Variants in FAM149A observed in about 807,000 individuals in gnomAD.
FAM149A encodes family with sequence similarity 149 member A.
FAM149A carries 71 observed loss-of-function variants against 78.2 expected under a neutral mutation model. The observed-to-expected ratio is 0.91, with a 90% CI of 0.75 to 1.11. FAM149A has a LOEUF of 1.11. Among genes scored for constraint, FAM149A ranks in the 50% least tolerant of loss-of-function variants. The pLI is 0.00. For missense variants in FAM149A, 1,036 were observed against 971.0 expected (o/e 1.07, Z -0.89); for synonymous variants, 446 against 410.5 (o/e 1.09, Z -1.04).
At chr4:186,157,794 A>T in intron 8 of FAM149A, 75 bp downstream of exon 8, 1 of 1,563,426 alleles carries the variant, frequency 6.4e-7, no homozygotes, top group Non-Finnish European at 8.7e-7. Flanking sequence ...GTTCTGTTAA[A>T]CTGCAGTACT....
At chr4:186,163,319 C>T in intron 9 of FAM149A, 105 bp from the exon 10 acceptor site, 1 of 837,422 alleles carries the variant, frequency 1.2e-6, no homozygotes, top group Non-Finnish European at 2.0e-6. Flanking sequence ...GGAGTATGTT[C>T]TAGGTGCCAG....
chr4:186,130,293 C>CTCTCTCTCTCTTTCTCTCTCTA, intron 1 of FAM149A: 1 of 46,592 alleles, frequency 2.1e-5, no homozygotes, highest in Admixed American at 2.5e-4. Context: ...CTCTCTCTCT[C>CTCTCTCTCTCTTTCTCTCTCTA]TATATATATA....
intron 1 of FAM149A, among the ~76,000 whole-genome samples, chr4:186,115,461 G>GAGA (rs1267130527): frequency 3.6e-5 from 5 of 137,354 alleles, no homozygotes; most frequent in Non-Finnish European, 7.9e-5. Context: ...TTTGGAGGAG[G>GAGA]AGAGGCGCTC....
At position 186,126,710 on chromosome 4, in the gene FAM149A, C is replaced by T. The variant is rs2055915; in HGVS notation, c.566+21068C>T. On this transcript the variant is annotated intron_variant, in intron 1 of 13. Coordinates refer to ENST00000389354, the MANE Select transcript of FAM149A (RefSeq NM_001367768.3). ...CCCCTGGTTCTCAGATCTTCACACT[C>T]GGGCTGGATCACACCACTGGCTTTC... Among the ~76,000 whole-genome samples the T allele has an allele frequency of 2.0e-5, 3 of 152,062 alleles. No homozygotes were observed. The East Asian group carries it at 5.8e-4, about 29-fold the overall frequency.
intron 13 of FAM149A, chr4:186,169,242 A>G: frequency 1.0e-6 from 1 of 983,808 alleles, no homozygotes; most frequent in Non-Finnish European, 1.2e-6. Flanking sequence ...TTCTACAATT[A>G]TAAAAAATAA....
chr4:186,167,511 CAAA>C (rs55700071), intron 13 of FAM149A: 40,181 of 276,606 alleles, frequency 0.15, 620 homozygotes, highest in African/African-American at 0.19. Context: ...GGGCCTCACT[CAAA>C]AAAAAAAAAA....
intron 1 of FAM149A, among the ~76,000 whole-genome samples, chr4:186,122,286 C>G (rs2099316405): frequency 6.6e-6 from 1 of 152,052 alleles, no homozygotes; most frequent in Non-Finnish European, 1.5e-5. Context: ...TGAAAATAGA[C>G]TAAAGACATG....
rs1296112676 is a variant in FAM149A at position 186,172,131 on chromosome 4, C to T, written c.*144C>T. On this transcript the variant is annotated 3_prime_UTR_variant, in exon 14 of 14. Coordinates refer to ENST00000389354, the MANE Select transcript of FAM149A (RefSeq NM_001367768.3). ...GAGAGAAAAGCAAACAAATAAATCA[C>T]TTAATCTTGAACACTTTGCACTGTA... 7.9e-7 allele frequency: 1 copy of T among 1,266,418 alleles called. No individual in the cohort carries two copies. Among genetic ancestry groups the T allele is most frequent in the African/African-American group, 1.5e-5 (1 of 64,828 alleles). 78.4% of individuals were successfully genotyped at this position (1,266,418 alleles called of 1,614,324 possible).
intron 1 of FAM149A, chr4:186,117,431 G>A: frequency 1.0e-6 from 1 of 985,344 alleles, no homozygotes. Flanking sequence ...CAGACACACT[G>A]CTGTGAGCAC....
intron 8 of FAM149A, among the ~76,000 whole-genome samples, chr4:186,161,376 G>C (rs528423517): frequency 7.7e-4 from 118 of 152,294 alleles, no homozygotes; most frequent in South Asian, 1.5e-3. Context: ...CCTGTGCTTC[G>C]GGGAGCAGTG....
At chr4:186,158,893 G>A (rs1734289448) in intron 8 of FAM149A, 13 of 659,222 alleles carry the variant, frequency 2.0e-5, no homozygotes, top group Non-Finnish European at 2.4e-5. Flanking sequence ...AAGGCCGATG[G>A]AAAATAAACA....
In FAM149A at chr4:186,164,478, C is replaced by T. The variant is rs554718837; in HGVS notation, c.1889+845C>T. ...GCGGCTGCCAACGCTTACCTGGCACCCAGACTTTTTCCAGATGCAGTCATA... is the reference window on the plus strand; with the variant it reads ...GCGGCTGCCAACGCTTACCTGGCACTCAGACTTTTTCCAGATGCAGTCATA... On this transcript the variant is annotated intron_variant, in intron 10 of 13. Coordinates refer to ENST00000389354, the MANE Select transcript of FAM149A (RefSeq NM_001367768.3). This position sits in a 1 kb window ranked among gnomAD's most constrained non-coding sequence, Gnocchi z 4.0. The T allele has an allele frequency of 5.1e-6, 5 of 985,374 alleles. No individual in the cohort carries two copies. The East Asian group carries it at 5.7e-4, about 112-fold the overall frequency. 61.0% of individuals were successfully genotyped at this position (985,374 alleles called of 1,614,324 possible).
chr4:186,124,784 T>C (rs1306411389), intron 1 of FAM149A, among the ~76,000 whole-genome samples: 1 of 152,168 alleles, frequency 6.6e-6, no homozygotes, highest in African/African-American at 2.4e-5. Context: ...TACCCAGTAA[T>C]GGGATGGCTG....
At chr4:186,165,234 C>CTG in intron 10 of FAM149A, 110 bp from the exon 11 acceptor site, 1 of 1,201,358 alleles carries the variant, frequency 8.3e-7, no homozygotes, top group Non-Finnish European at 1.2e-6. Flanking sequence ...CAAAGACCTC[C>CTG]TGTGTGCCCC....
Position 186,104,759 on chromosome 4 carries a change from G to A in FAM149A, c.-318G>A, listed in dbSNP as rs2099308088. On this transcript the variant is annotated 5_prime_UTR_variant, in exon 1 of 14. Transcript: ENST00000389354. ...TAGCAACCGCGGGCGGCGGGCGGCG[G>A]GCGGCGGGCGTCTGGGGCGGGCGGC... Among the ~76,000 whole-genome samples, 2 of 150,742 alleles carry A rather than the reference G, an allele frequency of 1.3e-5. No homozygotes were observed.
At chr4:186,161,702 TA>T (rs529102746) in intron 8 of FAM149A, among the ~76,000 whole-genome samples, 15 of 151,438 alleles carry the variant, frequency 9.9e-5, no homozygotes, top group African/African-American at 2.7e-4. Flanking sequence ...GGATAAATGT[TA>T]AAAAAAAATA....
chr4:186,110,353 A>G, intron 1 of FAM149A: 1 of 980,746 alleles, frequency 1.0e-6, no homozygotes, highest in African/African-American at 1.8e-5. Context: ...TCAGGGATGA[A>G]CGGTGGCTCA....
rs1188752948 is a variant in FAM149A at position 186,166,817 on chromosome 4, C to T, written c.2011-151C>T. The T allele has an allele frequency of 4.8e-6, 3 of 618,600 alleles. No individual in the cohort carries two copies. In the African/African-American group the frequency reaches 5.5e-5, roughly 11 times the overall value. The allele number at this position is 618,600 out of a possible 1,614,324, so 38.3% of individuals were successfully genotyped here. ...GTTACATAATCAAAATATATTTCTTCAGGTATTTATCCTTAGGAGACCTGA... is the reference window on the plus strand; with the variant it reads ...GTTACATAATCAAAATATATTTCTTTAGGTATTTATCCTTAGGAGACCTGA... On this transcript the variant is annotated intron_variant, in intron 11 of 13. Coordinates refer to ENST00000389354, the MANE Select transcript of FAM149A (RefSeq NM_001367768.3).
intron 1 of FAM149A, among the ~76,000 whole-genome samples, chr4:186,146,151 A>AT (rs1460163633): frequency 6.6e-6 from 1 of 152,182 alleles, no homozygotes; most frequent in East Asian, 1.9e-4. Context: ...TTGGGCAATC[A>AT]TTGAGTTACG....
Sources: allele counts gnomAD v4.1 joint callset (sites outside exome capture counted in the v4.1 genomes callset), GRCh38; gene constraint gnomAD v4.1.1; non-coding constraint Gnocchi (gnomAD v3.1); transcripts MANE v1.5; gene names NCBI Gene and HGNC (gene_info 2026-07-23, HGNC 2026-07-21).